Variants in TXLNB observed in about 807,000 individuals in gnomAD.
TXLNB encodes taxilin beta.
In TXLNB, 37 loss-of-function variants were observed where a neutral mutation model predicts 57.4. That is an observed-to-expected ratio of 0.64 (90% CI 0.50 to 0.85). The LOEUF (loss-of-function observed/expected upper bound fraction) is 0.85, where lower values mean the gene tolerates loss of function less well. Ranked by LOEUF, TXLNB falls within the 40% of genes least tolerant of loss-of-function variation. The pLI is 0.00. For synonymous variants in TXLNB, 302 were observed against 309.6 expected (o/e 0.98, Z 0.26); for missense variants, 848 against 825.6 (o/e 1.03, Z -0.33).
At chr6:139,259,784 T>C (rs933177924) in intron 6 of TXLNB, among the ~76,000 whole-genome samples, 2 of 152,180 alleles carry the variant, frequency 1.3e-5, no homozygotes, top group African/African-American at 4.8e-5. Flanking sequence ...TAACAGGCAC[T>C]TGAAAAATAT....
At chr6:139,302,852 T>A in the TXLNB span, among the ~76,000 whole-genome samples, 9 of 152,244 alleles carry the variant, frequency 5.9e-5, no homozygotes, top group African/African-American at 1.7e-4. Flanking sequence ...TATTGTGTAA[T>A]AAAACTGGAA....
chr6:139,172,518 T>C, the TXLNB span, among the ~76,000 whole-genome samples: 1 of 152,366 alleles, frequency 6.6e-6, no homozygotes, highest in East Asian at 1.9e-4. Flanking sequence ...ATTGATCTAA[T>C]TAAGAAGTTC....
Position 139,262,684 on chromosome 6 carries a change from G to A in TXLNB, c.777C>T (p.Gly259=). The A allele has an allele frequency of 1.2e-6, 2 of 1,614,156 alleles. No individual in the cohort carries two copies. Among genetic ancestry groups the A allele is most frequent in the Non-Finnish European group, 8.5e-7 (1 of 1,180,030 alleles). The change falls in exon 5 of 10, where the codon GGC becomes GGT. Residue 259 remains glycine, a synonymous_variant. Coordinates refer to ENST00000358430, the MANE Select transcript of TXLNB (RefSeq NM_153235.4). The part of the protein sequence containing the change: ...HFQSTLTDIQ[G]QIEQQSERNM... ...TTCGCTCACTCTGCTGCTCGATCTG[G>A]CCCTGGATGTCCGTGAGGGTACTCT...
intron 6 of TXLNB, among the ~76,000 whole-genome samples, chr6:139,256,597 G>C (rs1776349009): frequency 6.6e-6 from 1 of 152,228 alleles, no homozygotes; most frequent in Non-Finnish European, 1.5e-5. Context: ...CAAAGTGCTG[G>C]GATCATAGGC....
the TXLNB span, among the ~76,000 whole-genome samples, chr6:139,162,149 G>A: frequency 6.6e-6 from 1 of 152,170 alleles, no homozygotes; most frequent in Non-Finnish European, 1.5e-5. Flanking sequence ...TGAGTCGTCA[G>A]CTGGTGGGGA....
chr6:139,300,861 C>T, the TXLNB span, among the ~76,000 whole-genome samples: 3 of 152,114 alleles, frequency 2.0e-5, no homozygotes, highest in African/African-American at 7.2e-5. Flanking sequence ...CACCACTGTG[C>T]TCCAGCATGG....
At chr6:139,282,660 A>G (rs1751940758) in intron 2 of TXLNB, among the ~76,000 whole-genome samples, 1 of 145,798 alleles carries the variant, frequency 6.9e-6, no homozygotes, top group Non-Finnish European at 1.5e-5. Flanking sequence ...CTCAGAAGGT[A>G]CCACTGAAGC....
intron 8 of TXLNB, 30 bp downstream of exon 8, chr6:139,247,787 A>T: frequency 1.4e-6 from 2 of 1,466,586 alleles, no homozygotes; most frequent in Non-Finnish European, 1.9e-6. Flanking sequence ...AGAAAATGTC[A>T]ATATTTTGTT....
the TXLNB span, among the ~76,000 whole-genome samples, chr6:139,197,178 T>C: frequency 2.0e-5 from 3 of 152,332 alleles, no homozygotes; most frequent in African/African-American, 7.2e-5. Flanking sequence ...TTTACTGAGA[T>C]GTGTTTTTCT....
At chr6:139,176,563 G>C in the TXLNB span, among the ~76,000 whole-genome samples, 1 of 152,114 alleles carries the variant, frequency 6.6e-6, no homozygotes, top group Non-Finnish European at 1.5e-5. This position sits in a 1 kb window ranked among gnomAD's most constrained non-coding sequence, Gnocchi z 4.5. Context: ...CAAAGAAAAC[G>C]CAACTTTTCT....
the TXLNB span, among the ~76,000 whole-genome samples, chr6:139,182,509 T>G: frequency 6.6e-6 from 1 of 152,224 alleles, no homozygotes; most frequent in East Asian, 1.9e-4. Flanking sequence ...TTGTTTTGAC[T>G]TAAATTTGGC....
chr6:139,255,701 G>A, intron 6 of TXLNB, 63 bp from the exon 7 acceptor site: 3 of 1,344,470 alleles, frequency 2.2e-6, no homozygotes, highest in Non-Finnish European at 2.1e-6. Flanking sequence ...CTATTTGGCT[G>A]TAATTTGTCT....
At chr6:139,252,997 CA>C (rs940662348) in intron 7 of TXLNB, among the ~76,000 whole-genome samples, 15 of 152,144 alleles carry the variant, frequency 9.9e-5, no homozygotes, top group African/African-American at 3.6e-4. Context: ...GTCTCAAAAA[CA>C]AACAAAAAAC....
At chr6:139,203,873 A>C in the TXLNB span, among the ~76,000 whole-genome samples, 4 of 152,052 alleles carry the variant, frequency 2.6e-5, no homozygotes, top group Non-Finnish European at 5.9e-5. Context: ...TTGAGTTGAA[A>C]TTGGGACAAG....
the TXLNB span, chr6:139,201,683 G>A: frequency 1.3e-5 from 2 of 152,028 alleles, no homozygotes; most frequent in East Asian, 1.9e-4. Context: ...ACCTATTTCC[G>A]CTGCTGTATC....
the TXLNB span, among the ~76,000 whole-genome samples, chr6:139,218,069 G>A: frequency 2.6e-5 from 4 of 152,100 alleles, no homozygotes; most frequent in South Asian, 2.1e-4. Context: ...AGCTGTACAC[G>A]GTGGCTGAAG....
At chr6:139,266,473 A>G (rs1284118943) in intron 4 of TXLNB, among the ~76,000 whole-genome samples, 1 of 152,218 alleles carries the variant, frequency 6.6e-6, no homozygotes, top group Non-Finnish European at 1.5e-5. Flanking sequence ...GGATGGATTT[A>G]GAGCAGAATG....
the TXLNB span, among the ~76,000 whole-genome samples, chr6:139,301,805 T>C: frequency 1.3e-5 from 2 of 152,186 alleles, no homozygotes; most frequent in South Asian, 2.1e-4. Flanking sequence ...ATAGTACATA[T>C]TTTAGTATTC....
chr6:139,308,165 T>C, the TXLNB span, among the ~76,000 whole-genome samples: 1 of 152,112 alleles, frequency 6.6e-6, no homozygotes, highest in Admixed American at 6.5e-5. Context: ...AAGAGGCAAA[T>C]AGGCAGAGTG....
Sources: allele counts gnomAD v4.1 joint callset (sites outside exome capture counted in the v4.1 genomes callset), GRCh38; gene constraint gnomAD v4.1.1; non-coding constraint Gnocchi (gnomAD v3.1); transcripts MANE v1.5; gene names NCBI Gene and HGNC (gene_info 2026-07-23, HGNC 2026-07-21).